LRRC37A2: variants seen among roughly 807,000 people sequenced by gnomAD.
LRRC37A2 encodes leucine-rich repeat-containing protein 37A2.
Under a neutral mutation model 68.8 loss-of-function variants are expected in LRRC37A2, and 9 were observed. The ratio of observed to expected loss-of-function variants is 0.13; its 90% CI spans 0.08 to 0.23. The LOEUF (loss-of-function observed/expected upper bound fraction) is 0.23, where lower values mean the gene tolerates loss of function less well. Ranked by LOEUF, LRRC37A2 falls within the 10% of genes least tolerant of loss-of-function variation. LRRC37A2 has a pLI of 1.00. For synonymous variants in LRRC37A2, 63 were observed against 367.6 expected (o/e 0.17, Z 9.48); for missense variants, 168 against 950.4 (o/e 0.18, Z 10.82).
At chr17:46,532,098 C>G (rs538990914) in intron 6 of LRRC37A2, among the ~76,000 whole-genome samples, 1 of 150,472 alleles carries the variant, frequency 6.6e-6, no homozygotes, top group Admixed American at 6.6e-5. Flanking sequence ...GGGGTTTCAG[C>G]ACGTTTATCA....
At chr17:46,438,341 A>T in the LRRC37A2 span, among the ~76,000 whole-genome samples, 3 of 77,524 alleles carry the variant, frequency 3.9e-5, no homozygotes, top group East Asian at 2.3e-4. Flanking sequence ...ATGAATCTTT[A>T]AAAAAAAAAA....
chr17:47,014,821 C>T, the LRRC37A2 span, among the ~76,000 whole-genome samples: 2 of 151,994 alleles, frequency 1.3e-5, no homozygotes, highest in African/African-American at 4.8e-5. Flanking sequence ...TCAAATATGG[C>T]TTATTGCTTG....
chr17:46,840,000 C>CTTCTTTCTTTCTTTCT, the LRRC37A2 span, among the ~76,000 whole-genome samples: 16 of 125,198 alleles, frequency 1.3e-4, no homozygotes, highest in African/African-American at 5.2e-4. Context: ...TTTTTTCTTT[C>CTTCTTTCTTTCTTTCT]TTCTTTCTTT....
chr17:46,501,891 C>T, the LRRC37A2 span, among the ~76,000 whole-genome samples: 1 of 151,324 alleles, frequency 6.6e-6, no homozygotes, highest in African/African-American at 2.5e-5. Context: ...GTATACTATA[C>T]CCACTTTTGT....
At chr17:46,865,218 A>G in the LRRC37A2 span, among the ~76,000 whole-genome samples, 1 of 152,190 alleles carries the variant, frequency 6.6e-6, no homozygotes, top group African/African-American at 2.4e-5. Flanking sequence ...CACACTCTAA[A>G]TGCCGGGGAT....
intron 8 of LRRC37A2, among the ~76,000 whole-genome samples, chr17:46,541,938 G>A (rs1332671119): frequency 1.4e-4 from 20 of 143,854 alleles, no homozygotes; most frequent in Admixed American, 1.2e-3. Context: ...GTAGTATTCC[G>A]GTTGTGTGGA....
At chr17:46,944,698 C>T in the LRRC37A2 span, among the ~76,000 whole-genome samples, 1 of 151,678 alleles carries the variant, frequency 6.6e-6, no homozygotes, top group Non-Finnish European at 1.5e-5. Context: ...CTCCTGGGTT[C>T]AAGCGATTCT....
At chr17:46,781,562 A>G in the LRRC37A2 span, among the ~76,000 whole-genome samples, 1 of 152,220 alleles carries the variant, frequency 6.6e-6, no homozygotes, top group African/African-American at 2.4e-5. Context: ...AGGGACAGAA[A>G]GTAGAACAGA....
the LRRC37A2 span, among the ~76,000 whole-genome samples, chr17:46,896,000 T>C: frequency 1.3e-5 from 2 of 151,920 alleles, no homozygotes; most frequent in Admixed American, 6.6e-5. Flanking sequence ...AAGGCCAGGC[T>C]GGGCGCAGTG....
At chr17:46,932,244 G>T in the LRRC37A2 span, 25,332 of 1,610,934 alleles carry the variant, frequency 0.016, 359 homozygotes, top group African/African-American at 0.065. Context: ...TTGACAGATC[G>T]TGGGGGCTGG....
chr17:46,900,162 C>CATACAT, the LRRC37A2 span, among the ~76,000 whole-genome samples: 1 of 101,154 alleles, frequency 9.9e-6, no homozygotes, highest in African/African-American at 4.9e-5. Flanking sequence ...TATATATATA[C>CATACAT]ATATACATAT....
chr17:46,928,482 C>T, the LRRC37A2 span, among the ~76,000 whole-genome samples: 40 of 152,150 alleles, frequency 2.6e-4, no homozygotes, highest in South Asian at 6.7e-3. Context: ...GATGGTGGGG[C>T]CAGCATAAGC....
At chr17:46,734,624 G>A in the LRRC37A2 span, among the ~76,000 whole-genome samples, 1 of 152,160 alleles carries the variant, frequency 6.6e-6, no homozygotes, top group Non-Finnish European at 1.5e-5. Context: ...GAAAGATAAT[G>A]TATAGTGAAT....
the LRRC37A2 span, among the ~76,000 whole-genome samples, chr17:46,883,984 C>G: frequency 6.6e-6 from 1 of 152,308 alleles, no homozygotes; most frequent in African/African-American, 2.4e-5. Context: ...GGGAGCTGAG[C>G]CCCTACCCCT....
the LRRC37A2 span, among the ~76,000 whole-genome samples, chr17:46,815,855 C>G: frequency 0.19 from 28,670 of 152,066 alleles, 2,749 homozygotes; most frequent in Middle Eastern, 0.3. Context: ...GGCTGCCCAC[C>G]AAACACCCAA....
chr17:46,905,814 G>GTGTT, the LRRC37A2 span, among the ~76,000 whole-genome samples: 2 of 34,466 alleles, frequency 5.8e-5, no homozygotes, highest in African/African-American at 1.8e-4. Context: ...GTGTGTGTGT[G>GTGTT]CGTTTGTTGG....
chr17:46,721,587 A>G, the LRRC37A2 span: 21 of 1,547,734 alleles, frequency 1.4e-5, 1 homozygote, highest in Middle Eastern at 2.3e-4. Context: ...TTTGTTTACA[A>G]TTGAAACTCT....
At chr17:46,500,818 A>T in the LRRC37A2 span, among the ~76,000 whole-genome samples, 1 of 151,066 alleles carries the variant, frequency 6.6e-6, no homozygotes, top group African/African-American at 2.5e-5. Flanking sequence ...GAAATAACCT[A>T]TCAGATTATA....
At chr17:46,820,439 T>C in the LRRC37A2 span, among the ~76,000 whole-genome samples, 2 of 146,092 alleles carry the variant, frequency 1.4e-5, no homozygotes, top group Non-Finnish European at 3.0e-5. Flanking sequence ...AAGAAAACTG[T>C]CGGGGGGAGG....
Sources: allele counts gnomAD v4.1 joint callset (sites outside exome capture counted in the v4.1 genomes callset), GRCh38; gene constraint gnomAD v4.1.1; transcripts MANE v1.5; gene names NCBI Gene and HGNC (gene_info 2026-07-23, HGNC 2026-07-21).